ZSCAN25: variants seen among roughly 807,000 people sequenced by gnomAD.
ZSCAN25 encodes the protein zinc finger and SCAN domain-containing protein 25.
A neutral mutation model predicts 38.7 loss-of-function variants in ZSCAN25; 27 were observed. The observed-to-expected ratio is 0.70, with a 90% CI of 0.51 to 0.96. The LOEUF is 0.96. Ranked by LOEUF, ZSCAN25 falls within the 40% of genes least tolerant of loss-of-function variation. The pLI is 0.00. For synonymous variants in ZSCAN25, 273 were observed against 277.7 expected (o/e 0.98, Z 0.17); for missense variants, 637 against 705.9 (o/e 0.90, Z 1.11).
At chr7:99,663,436 A>G in the ZSCAN25 span, 1 of 990,124 alleles carries the variant, frequency 1.0e-6, no homozygotes, top group Non-Finnish European at 1.2e-6. Context: ...TCGTGAAGGC[A>G]AAGCTGAGTT....
At chr7:99,667,101 T>C in the ZSCAN25 span, 1 of 1,577,672 alleles carries the variant, frequency 6.3e-7, no homozygotes, top group Non-Finnish European at 8.7e-7. Flanking sequence ...CTCACATTAG[T>C]TGTGGTGATC....
chr7:99,735,108 C>T, the ZSCAN25 span: 7 of 1,613,702 alleles, frequency 4.3e-6, no homozygotes, highest in Non-Finnish European at 5.9e-6. Flanking sequence ...ACTTTCCTTC[C>T]TTATCTCTCT....
chr7:99,729,707 A>T, the ZSCAN25 span, among the ~76,000 whole-genome samples: 1 of 152,130 alleles, frequency 6.6e-6, no homozygotes, highest in Admixed American at 6.5e-5. Flanking sequence ...AATGAGTCTT[A>T]TGATCTCCCC....
At chr7:99,635,948 G>C (rs1429002013), downstream of ZSCAN25, among the ~76,000 whole-genome samples, 1 of 150,942 alleles carries the variant, frequency 6.6e-6, no homozygotes, top group African/African-American at 2.4e-5. Context: ...TTGGGAGGCT[G>C]AGGCAGGAGA....
the ZSCAN25 span, among the ~76,000 whole-genome samples, chr7:99,655,550 T>G: frequency 5.3e-5 from 8 of 152,228 alleles, no homozygotes; most frequent in African/African-American, 1.9e-4. Context: ...TAGGATTGAC[T>G]TGGCAATGCG....
chr7:99,685,295 G>A, the ZSCAN25 span: 1 of 1,602,276 alleles, frequency 6.2e-7, no homozygotes, highest in South Asian at 1.1e-5. Context: ...AGAAACTGTA[G>A]CATCAAAGTA....
the ZSCAN25 span, chr7:99,652,882 C>A: frequency 1.2e-6 from 1 of 810,018 alleles, no homozygotes. Flanking sequence ...GAGAATAACT[C>A]ATACTGGTAA....
the ZSCAN25 span, among the ~76,000 whole-genome samples, chr7:99,730,345 A>T: frequency 6.6e-6 from 1 of 152,250 alleles, no homozygotes; most frequent in Non-Finnish European, 1.5e-5. Context: ...TGAGGTTAAT[A>T]GACAACCACT....
At chr7:99,643,523 A>G in the ZSCAN25 span, among the ~76,000 whole-genome samples, 1 of 151,428 alleles carries the variant, frequency 6.6e-6, no homozygotes, top group East Asian at 2.0e-4. Flanking sequence ...CTTCATAGTG[A>G]TGTCAACTCT....
At chr7:99,655,612 G>C in the ZSCAN25 span, among the ~76,000 whole-genome samples, 1 of 152,206 alleles carries the variant, frequency 6.6e-6, no homozygotes, top group Non-Finnish European at 1.5e-5. Flanking sequence ...CCAGTTCTGT[G>C]AAGAAAGTCA....
chr7:99,681,239 A>T, the ZSCAN25 span, among the ~76,000 whole-genome samples: 2,584 of 152,160 alleles, frequency 0.017, 83 homozygotes, highest in African/African-American at 0.057. Flanking sequence ...AAATCTTGGC[A>T]TTTGTGAATA....
At chr7:99,701,209 C>G in the ZSCAN25 span, among the ~76,000 whole-genome samples, 1 of 152,180 alleles carries the variant, frequency 6.6e-6, no homozygotes, top group Non-Finnish European at 1.5e-5. Context: ...CAATGTCTGT[C>G]TTTGTGTGCC....
At chr7:99,665,489 G>C in the ZSCAN25 span, among the ~76,000 whole-genome samples, 3 of 152,346 alleles carry the variant, frequency 2.0e-5, no homozygotes, top group African/African-American at 7.2e-5. Context: ...TCTGGTGCCA[G>C]TGATGGAGCT....
chr7:99,636,239 A>G (rs2151316389), downstream of ZSCAN25, among the ~76,000 whole-genome samples: 1 of 152,230 alleles, frequency 6.6e-6, no homozygotes, highest in East Asian at 1.9e-4. Flanking sequence ...GAACTTTGGG[A>G]ATTTTAGAAA....
chr7:99,729,211 T>C, the ZSCAN25 span, among the ~76,000 whole-genome samples: 3 of 152,184 alleles, frequency 2.0e-5, no homozygotes, highest in South Asian at 6.2e-4. Context: ...AATTGGTTTC[T>C]CAATTAATAT....
At chr7:99,720,180 G>T in the ZSCAN25 span, 3 of 1,067,756 alleles carry the variant, frequency 2.8e-6, no homozygotes, top group Non-Finnish European at 4.2e-6. Flanking sequence ...TTACCATGGG[G>T]GATGGGCAGG....
downstream of ZSCAN25, among the ~76,000 whole-genome samples, chr7:99,632,815 A>G (rs190278546): frequency 2.3e-4 from 35 of 152,266 alleles, no homozygotes; most frequent in East Asian, 6.4e-3. Context: ...CTTAATGTCA[A>G]AATATCCAGT....
At chr7:99,698,147 G>T in the ZSCAN25 span, among the ~76,000 whole-genome samples, 2 of 152,180 alleles carry the variant, frequency 1.3e-5, no homozygotes, top group African/African-American at 4.8e-5. Context: ...TCTATTGCAC[G>T]TAATTGTGTT....
the ZSCAN25 span, among the ~76,000 whole-genome samples, chr7:99,696,116 C>G: frequency 1.3e-5 from 2 of 152,324 alleles, no homozygotes; most frequent in Admixed American, 1.3e-4. Context: ...TGTCCTCAAA[C>G]GTGAGTGCTC....
Sources: gnomAD v4.1 joint callset for allele counts (sites outside exome capture counted in the v4.1 genomes callset) on GRCh38, gnomAD v4.1.1 for gene constraint, MANE v1.5 for transcripts, NCBI Gene and HGNC (gene_info 2026-07-23, HGNC 2026-07-21) for gene names.